ATP8A2: variants seen among roughly 807,000 people sequenced by gnomAD.
The protein encoded by ATP8A2 is ATPase phospholipid transporting 8A2.
Under a neutral mutation model 165.6 loss-of-function variants are expected in ATP8A2, and 100 were observed. That is an observed-to-expected ratio of 0.60 (90% confidence interval 0.51 to 0.71). The LOEUF (loss-of-function observed/expected upper bound fraction) is 0.71, where lower values mean the gene tolerates loss of function less well. Ranked by LOEUF, ATP8A2 falls within the 30% of genes least tolerant of loss-of-function variation. The probability of loss-of-function intolerance (pLI) is 0.00; values close to 1 mark genes in which losing one functional copy is unlikely to be tolerated. For missense variants in ATP8A2, 1,227 were observed against 1,479.5 expected (o/e 0.83, Z 2.80); for synonymous variants, 543 against 548.8 (o/e 0.99, Z 0.15).
In ATP8A2 at chr13:25,853,124, G is replaced by A. The variant is rs529763924; in HGVS notation, c.2957-7071G>A. ...AACATAGAATTTCTTGGTCAGGTGC[G>A]GTGGCTGTAATTCCAGCACTTTGGG... On this transcript the variant is annotated intron_variant, in intron 30 of 36. Coordinates refer to ENST00000381655, the MANE Select transcript of ATP8A2 (RefSeq NM_016529.6). 9.9e-4 allele frequency among the ~76,000 whole-genome samples: 149 copies of A among 151,058 alleles called. 2 individuals are homozygous for A. The Middle Eastern group carries it at 0.011, about 11-fold the overall frequency.
intron 24 of ATP8A2, among the ~76,000 whole-genome samples, chr13:25,658,908 G>A (rs954281644): frequency 1.3e-5 from 2 of 152,202 alleles, no homozygotes; most frequent in Non-Finnish European, 2.9e-5. Context: ...TACTACTGTA[G>A]TCTGCTCCTG....
rs1955415467 is a variant in ATP8A2 at position 25,953,090 on chromosome 13, G to A, written c.3184-8485G>A. On this transcript the variant is annotated intron_variant, in intron 33 of 36. Transcript: ENST00000381655. This position sits in a 1 kb window ranked among gnomAD's most constrained non-coding sequence, Gnocchi z 6.7. The stretch of plus-strand genomic sequence containing the variant: ...TGCAAGGGTTCTTCCAAATCCGATT[G>A]TCCTGACAGGTTTTGTTTTATTTTG... 6.6e-6 allele frequency among the ~76,000 whole-genome samples: 1 copy of A among 152,216 alleles called. No homozygotes were observed. The highest frequency in any genetic ancestry group is 6.5e-5 in the Admixed American group (1 of 15,280).
chr13:25,709,036 CTGAGCT>C (rs2043107755), intron 25 of ATP8A2, among the ~76,000 whole-genome samples: 2 of 152,140 alleles, frequency 1.3e-5, no homozygotes, highest in African/African-American at 2.4e-5. Flanking sequence ...AACCAGTTAA[CTGAGCT>C]CTGTGAGAGT....
chr13:25,734,703 A>G (rs747638243), intron 25 of ATP8A2, among the ~76,000 whole-genome samples: 1 of 152,086 alleles, frequency 6.6e-6, no homozygotes, highest in Admixed American at 6.6e-5. Flanking sequence ...CAGTGGTGCA[A>G]TCTCAGCTCA....
chr13:25,680,888 A>T (rs2042472741), intron 24 of ATP8A2, among the ~76,000 whole-genome samples: 1 of 152,182 alleles, frequency 6.6e-6, no homozygotes, highest in South Asian at 2.1e-4. Context: ...ATATTGTAAA[A>T]GGGACACTGT....
In ATP8A2 at chr13:26,010,366, C is replaced by T. The variant is rs576591938; in HGVS notation, c.3378-2165C>T. Among the ~76,000 whole-genome samples, 5 of 152,310 alleles carry T rather than the reference C, an allele frequency of 3.3e-5. No homozygotes were observed. In the South Asian group the frequency reaches 1.0e-3, roughly 32 times the overall value. Reference sequence around the variant, plus strand: ...GTTCAGGAGGCATGTCCCTGTGGTCCAGGGGCATGGGGGCAGAGCCTAGTC... The same window carrying T: ...GTTCAGGAGGCATGTCCCTGTGGTCTAGGGGCATGGGGGCAGAGCCTAGTC... On this transcript the variant is annotated intron_variant, in intron 35 of 36. Coordinates refer to ENST00000381655, the MANE Select transcript of ATP8A2 (RefSeq NM_016529.6).
chr13:25,842,723 A>G (rs1278421378), intron 30 of ATP8A2, among the ~76,000 whole-genome samples: 2 of 149,158 alleles, frequency 1.3e-5, no homozygotes, highest in African/African-American at 2.5e-5. Context: ...GGAAGGAAGG[A>G]AGGGAGGGAA....
intron 1 of ATP8A2, among the ~76,000 whole-genome samples, chr13:25,427,830 G>T (rs1024753852): frequency 1.3e-5 from 2 of 152,046 alleles, no homozygotes; most frequent in African/African-American, 4.8e-5. Context: ...AGAGGCAGAG[G>T]TTGCAGTGAA....
At position 25,589,630 on chromosome 13, in the gene ATP8A2, T is replaced by C. The variant is rs1030136263; in HGVS notation, c.2147-5T>C. 7 of 1,607,860 alleles carry C rather than the reference T, an allele frequency of 4.4e-6. No homozygotes were observed. Among genetic ancestry groups the C allele is most frequent in the Non-Finnish European group, 6.0e-6 (7 of 1,174,762 alleles). ...ATTCACATGTTGTCTCTTCCTCCAC[T>C]TCAGGGTATTCCTGCCGATTGGTAT... On this transcript the variant is annotated splice_polypyrimidine_tract_variant and splice_region_variant and intron_variant, in intron 23 of 36. Coordinates refer to ENST00000381655, the MANE Select transcript of ATP8A2 (RefSeq NM_016529.6).
At chr13:25,606,721 T>C (rs550681355) in intron 24 of ATP8A2, among the ~76,000 whole-genome samples, 57 of 152,302 alleles carry the variant, frequency 3.7e-4, no homozygotes, top group African/African-American at 1.3e-3. Context: ...CCACACATTT[T>C]CTATAGAGGG....
chr13:25,496,631 ATGT>A (rs1363590164), intron 2 of ATP8A2, among the ~76,000 whole-genome samples: 1 of 152,166 alleles, frequency 6.6e-6, no homozygotes, highest in Non-Finnish European at 1.5e-5. Flanking sequence ...TTTTCAGGAA[ATGT>A]TGTTTTCCTT....
At chr13:25,718,987 T>G (rs1292577928) in intron 25 of ATP8A2, among the ~76,000 whole-genome samples, 1 of 152,080 alleles carries the variant, frequency 6.6e-6, no homozygotes, top group East Asian at 1.9e-4. Context: ...TTTCTGCATG[T>G]TTCGGGGTTT....
chr13:25,943,333 G>A (rs544169918), intron 33 of ATP8A2, among the ~76,000 whole-genome samples: 5 of 152,128 alleles, frequency 3.3e-5, no homozygotes, highest in Non-Finnish European at 5.9e-5. Flanking sequence ...ATGTAACAAC[G>A]TTTCAGTCAA....
chr13:25,574,703 A>G, intron 18 of ATP8A2, 105 bp from the exon 19 acceptor site: 3 of 750,882 alleles, frequency 4.0e-6, no homozygotes, highest in Non-Finnish European at 7.2e-6. Flanking sequence ...AGAAGGTGGG[A>G]AGAGAGAGAG....
At chr13:25,544,166 T>C (rs1019979022) in intron 10 of ATP8A2, among the ~76,000 whole-genome samples, 5 of 152,194 alleles carry the variant, frequency 3.3e-5, no homozygotes, top group Non-Finnish European at 2.9e-5. Context: ...GGTGCAATAG[T>C]GAAAGGCCCA....
At chr13:25,397,138 C>A (rs1237857143) in intron 1 of ATP8A2, among the ~76,000 whole-genome samples, 1 of 152,190 alleles carries the variant, frequency 6.6e-6, no homozygotes, top group Non-Finnish European at 1.5e-5. Flanking sequence ...TGGTCAGTGC[C>A]TCCTTATCTC....
intron 7 of ATP8A2, among the ~76,000 whole-genome samples, chr13:25,538,694 T>G (rs1247391504): frequency 2.0e-5 from 3 of 152,210 alleles, no homozygotes; most frequent in Non-Finnish European, 4.4e-5. Context: ...AGAATTGACA[T>G]CTATTCTTGA....
chr13:25,449,755 C>A, intron 1 of ATP8A2, among the ~76,000 whole-genome samples: 1 of 152,194 alleles, frequency 6.6e-6, no homozygotes, highest in East Asian at 1.9e-4. Flanking sequence ...TTAGGATTAT[C>A]AATTCCTGTT....
intron 33 of ATP8A2, among the ~76,000 whole-genome samples, chr13:25,897,266 G>A (rs2138929915): frequency 6.6e-6 from 1 of 152,314 alleles, no homozygotes; most frequent in Admixed American, 6.5e-5. Flanking sequence ...TGTCTGTAAA[G>A]TATTTTATTT....
Sources: gnomAD v4.1 joint callset for allele counts (sites outside exome capture counted in the v4.1 genomes callset) on GRCh38, gnomAD v4.1.1 for gene constraint, Gnocchi (gnomAD v3.1) non-coding constraint, MANE v1.5 for transcripts, NCBI Gene and HGNC (gene_info 2026-07-23, HGNC 2026-07-21) for gene names.